KDM2A: variants seen among roughly 807,000 people sequenced by gnomAD.
The protein encoded by KDM2A is lysine-specific demethylase 2A.
A neutral mutation model predicts 137.3 loss-of-function variants in KDM2A; 3 were observed. That is an observed-to-expected ratio of 0.02 (90% confidence interval 0.01 to 0.06). The LOEUF is 0.06. Ranked by LOEUF, KDM2A falls within the 10% of genes least tolerant of loss-of-function variation. KDM2A has a pLI of 1.00. For missense variants in KDM2A, 738 were observed against 1,510.6 expected (o/e 0.49, Z 8.48); for synonymous variants, 512 against 541.5 (o/e 0.95, Z 0.76).
At chr11:67,155,177 G>C (rs1191691606) in intron 2 of KDM2A, among the ~76,000 whole-genome samples, 1 of 151,788 alleles carries the variant, frequency 6.6e-6, no homozygotes, top group Non-Finnish European at 1.5e-5. Context: ...ACCACACCCA[G>C]CTAATTTTTT....
intron 2 of KDM2A, among the ~76,000 whole-genome samples, chr11:67,155,096 C>CCT (rs1856484012): frequency 6.6e-6 from 1 of 152,188 alleles, no homozygotes; most frequent in Non-Finnish European, 1.5e-5. Context: ...CTCACTGCAA[C>CCT]CTCTGCCTCC....
chr11:67,241,344 C>T (rs1479210939), intron 12 of KDM2A, among the ~76,000 whole-genome samples: 3 of 152,150 alleles, frequency 2.0e-5, no homozygotes, highest in African/African-American at 7.2e-5. Context: ...AATAAAACAT[C>T]CGCAGATGAA....
chr11:67,179,256 T>A (rs1857034517), intron 2 of KDM2A, among the ~76,000 whole-genome samples: 1 of 152,102 alleles, frequency 6.6e-6, no homozygotes, highest in East Asian at 1.9e-4. Context: ...TTTGGAATGC[T>A]GGGTTTTTTT....
intron 2 of KDM2A, among the ~76,000 whole-genome samples, chr11:67,177,157 TC>T (rs977774393): frequency 2.6e-5 from 4 of 151,796 alleles, no homozygotes; most frequent in African/African-American, 9.7e-5. Flanking sequence ...TCCCAGCTAC[TC>T]GGGAGGCTGA....
intron 4 of KDM2A, 139 bp from the exon 5 acceptor site, chr11:67,181,707 C>T: frequency 1.5e-6 from 1 of 672,122 alleles, no homozygotes. Flanking sequence ...TATATAATCA[C>T]CTATATTTTT....
At chr11:67,174,524 C>G (rs1263134483) in intron 2 of KDM2A, among the ~76,000 whole-genome samples, 1 of 152,090 alleles carries the variant, frequency 6.6e-6, no homozygotes, top group East Asian at 1.9e-4. Context: ...TACCTACTTG[C>G]ATCTAGTGTT....
At position 67,250,189 on chromosome 11, in the gene KDM2A, C is replaced by T; in HGVS notation, c.2159C>T (p.Thr720Ile). The T allele has an allele frequency of 4.3e-6, 7 of 1,613,938 alleles. No individual in the cohort carries two copies. Among genetic ancestry groups the T allele is most frequent in the Non-Finnish European group, 5.1e-6 (6 of 1,179,878 alleles). Residue 720 changes from threonine to isoleucine, a missense_variant, in exon 17 of 21, where the codon ACT becomes ATT. Coordinates refer to ENST00000529006, the MANE Select transcript of KDM2A (RefSeq NM_012308.3). The surrounding 1 kb of genome is among the most constrained non-coding windows in gnomAD (Gnocchi z 7.1). ...EPLTPPPHSP[T>I]SMLQLIHDPV... ...CTCACGCCCCCGCCTCATTCACCCACTTCCATGCTGCAGCTCATCCATGAC... is the reference window on the plus strand; with the variant it reads ...CTCACGCCCCCGCCTCATTCACCCATTTCCATGCTGCAGCTCATCCATGAC...
chr11:67,213,636 G>A (rs1377205733), intron 6 of KDM2A, among the ~76,000 whole-genome samples: 2 of 151,370 alleles, frequency 1.3e-5, no homozygotes, highest in Non-Finnish European at 2.9e-5. Context: ...GCGGGTGCCT[G>A]TAATCCCAGC....
At position 67,254,049 on chromosome 11, in the gene KDM2A, A is replaced by G. The variant is rs1050048996; in HGVS notation, c.3092-154A>G. Among the ~76,000 whole-genome samples the G allele has an allele frequency of 6.6e-6, 1 of 152,240 alleles. No homozygotes were observed. The highest frequency in any genetic ancestry group is 2.4e-5 in the African/African-American group (1 of 41,460). On this transcript the variant is annotated intron_variant, in intron 19 of 20. Transcript: ENST00000529006. This position sits in a 1 kb window ranked among gnomAD's most constrained non-coding sequence, Gnocchi z 4.7. ...GGTTTCCTAGAAACTGCCTACACCC[A>G]GTGCTCACACCCTGAAGGCATGGCT...
At chr11:67,206,685 C>T (rs1016320311) in intron 5 of KDM2A, among the ~76,000 whole-genome samples, 3 of 151,276 alleles carry the variant, frequency 2.0e-5, no homozygotes, top group African/African-American at 4.9e-5. Flanking sequence ...TGCAGTGAGC[C>T]GAGAGCGTGC....
chr11:67,253,686 G>A, intron 19 of KDM2A, 75 bp downstream of exon 19: 1 of 1,476,298 alleles, frequency 6.8e-7, no homozygotes, highest in South Asian at 1.2e-5. Context: ...GTCTTCAGAA[G>A]CTAAGGTAGT....
At chr11:67,132,734 C>G (rs1855881662) in intron 2 of KDM2A, among the ~76,000 whole-genome samples, 1 of 152,170 alleles carries the variant, frequency 6.6e-6, no homozygotes, top group Non-Finnish European at 1.5e-5. Flanking sequence ...CAGTGGTTTT[C>G]AAAGTGTAGG....
At chr11:67,182,472 T>A (rs2136337250) in intron 5 of KDM2A, among the ~76,000 whole-genome samples, 1 of 152,100 alleles carries the variant, frequency 6.6e-6, no homozygotes, top group South Asian at 2.1e-4. Flanking sequence ...TTCATTGTGG[T>A]CCTGAGACAC....
chr11:67,190,245 A>G (rs1051275852), intron 5 of KDM2A, among the ~76,000 whole-genome samples: 3 of 152,138 alleles, frequency 2.0e-5, no homozygotes, highest in African/African-American at 2.4e-5. Context: ...CCCTGTCTCT[A>G]CTAAAAATAC....
rs1243601760 is a variant in KDM2A, at chr11:67,246,037, A to G, written c.1886A>G (p.Asn629Ser). ...TCSLCGEVDQ[N>S]EETQDFEKKL... ...TCCCTCTGTGGAGAGGTGGATCAGAATGAAGAGACACAAGACTTTGAGAAG... is the reference window on the plus strand; with the variant it reads ...TCCCTCTGTGGAGAGGTGGATCAGAGTGAAGAGACACAAGACTTTGAGAAG... The change falls in exon 15 of 21, where the codon AAT becomes AGT. Residue 629 changes from asparagine to serine, a missense_variant. By Grantham distance (46) the Asn-to-Ser change is conservative. This residue lies in a region of KDM2A where 20 missense variants were observed against 62.3 expected (regional missense o/e 0.32). Coordinates refer to ENST00000529006, the MANE Select transcript of KDM2A (RefSeq NM_012308.3). 2 of 1,614,016 alleles carry G rather than the reference A, an allele frequency of 1.2e-6. No homozygotes were observed. Among genetic ancestry groups the G allele is most frequent in the South Asian group, 1.1e-5 (1 of 91,088 alleles).
chr11:67,248,463 C>T, intron 16 of KDM2A, 93 bp downstream of exon 16: 2 of 780,802 alleles, frequency 2.6e-6, no homozygotes, highest in Non-Finnish European at 4.3e-6. Context: ...AGTGTTCACA[C>T]AGTTTCTCTG....
intron 1 of KDM2A, 48 bp from the exon 2 acceptor site, chr11:67,121,186 C>T (rs999465829): frequency 1.4e-6 from 1 of 697,860 alleles, no homozygotes; most frequent in Non-Finnish European, 2.5e-6. Flanking sequence ...ACAGAAAGCA[C>T]AAGTTTGAGA....
chr11:67,204,495 CT>C (rs749577884), intron 5 of KDM2A, among the ~76,000 whole-genome samples: 17,614 of 140,244 alleles, frequency 0.13, 2,741 homozygotes, highest in African/African-American at 0.38. Context: ...TTTCTTTTTT[CT>C]TTTTTTTTTT....
intron 15 of KDM2A, among the ~76,000 whole-genome samples, chr11:67,247,788 A>G (rs1418243768): frequency 1.3e-5 from 2 of 152,250 alleles, no homozygotes; most frequent in Admixed American, 6.5e-5. Context: ...AATGGTGCAT[A>G]TTACATCTAT....
Sources: allele counts gnomAD v4.1 joint callset (sites outside exome capture counted in the v4.1 genomes callset), GRCh38; gene constraint gnomAD v4.1.1; regional missense constraint gnomAD v4.1.1; non-coding constraint Gnocchi (gnomAD v3.1); transcripts MANE v1.5; gene names NCBI Gene and HGNC (gene_info 2026-07-23, HGNC 2026-07-21).